Variants in CACNA1H observed in about 807,000 individuals in gnomAD.
CACNA1H encodes the protein voltage-dependent T-type calcium channel subunit alpha-1H.
In CACNA1H, 149 loss-of-function variants were observed where a neutral mutation model predicts 192.5. The observed-to-expected ratio is 0.77, with a 90% confidence interval of 0.68 to 0.89. The LOEUF is 0.89. Ranked by LOEUF, CACNA1H falls within the 40% of genes least tolerant of loss-of-function variation. CACNA1H has a pLI of 0.00. For missense variants in CACNA1H, 4,257 were observed against 3,423.5 expected (o/e 1.24, Z -6.08); for synonymous variants, 2,202 against 1,475.2 (o/e 1.49, Z -11.29).
chr16:1,166,509 G>A (rs1188358806), intron 2 of CACNA1H, among the ~76,000 whole-genome samples: 2 of 152,222 alleles, frequency 1.3e-5, no homozygotes, highest in Non-Finnish European at 2.9e-5. Flanking sequence ...CGCCAATGAA[G>A]GGTCCAATTC....
At position 1,215,318 on chromosome 16, in the gene CACNA1H, G is replaced by C; in HGVS notation, c.5116G>C (p.Ala1706Pro). Residue 1706 changes from alanine to proline, a missense_variant, in exon 29 of 35, where the codon GCG (alanine) becomes CCG (proline). By Grantham distance (27) the Ala-to-Pro change is conservative. Transcript: ENST00000348261. ...ITLEEIEMSA[A>P]LPINPTIIRI... Reference sequence around the variant, plus strand: ...GCTGGAGGAGATAGAGATGAGCGCCGCGCTGCCCATCAACCCCACCATCAT... The same window carrying C: ...GCTGGAGGAGATAGAGATGAGCGCCCCGCTGCCCATCAACCCCACCATCAT... The C allele has an allele frequency of 1.2e-6, 2 of 1,611,334 alleles. No individual in the cohort carries two copies. Among genetic ancestry groups the C allele is most frequent in the South Asian group, 2.2e-5 (2 of 90,658 alleles).
chr16:1,221,704 A>G lies in CACNA1H; in HGVS notation c.*710A>G, dbSNP rs1254864477. On this transcript the variant is annotated 3_prime_UTR_variant, in exon 35 of 35. Coordinates refer to ENST00000348261, the MANE Select transcript of CACNA1H (RefSeq NM_021098.3). ...TAAATGTTGCAATAATCTGATGCAG[A>G]AGACTCAGCTTCTCAAGGGAGAGGG... The G allele has an allele frequency of 5.3e-6, 7 of 1,310,190 alleles. No individual in the cohort carries two copies. Among genetic ancestry groups the G allele is most frequent in the African/African-American group, 2.9e-5 (2 of 67,828 alleles). 81.2% of individuals were successfully genotyped at this position (1,310,190 alleles called of 1,614,324 possible). A position where few individuals can be genotyped will look rare whatever the true frequency, so the allele number is the denominator to read the frequency against.
rs1371063701 is a variant in CACNA1H at position 1,215,585 on chromosome 16, C to G, written c.5236C>G (p.Leu1746Val). 3 of 1,611,188 alleles carry G rather than the reference C, an allele frequency of 1.9e-6. No homozygotes were observed. Among genetic ancestry groups the G allele is most frequent in the Non-Finnish European group, 2.5e-6 (3 of 1,179,366 alleles). The change falls in exon 30 of 35, where the codon CTC (leucine) becomes GTC (valine). Residue 1746 changes from leucine to valine, a missense_variant. Transcript: ENST00000348261. ...RALLDTVVQA[L>V]PQVGNLGLLF... ...CCTGCTGGACACTGTGGTGCAAGCT[C>G]TCCCCCAGGTAGGTGGAGCCCGCGC...
Position 1,218,404 on chromosome 16 carries a change from C to A in CACNA1H, c.5640C>A (p.Ile1880=). Reference sequence around the variant, plus strand: ...AGGATGCGGAGCTGGACGCCGAGATCGAGCTGGAGATGGCGCAGGGCCCCG... The same window carrying A: ...AGGATGCGGAGCTGGACGCCGAGATAGAGCTGGAGATGGCGCAGGGCCCCG... ...AREDAELDAE[I]ELEMAQGPGS... The change falls in exon 33 of 35, where the codon ATC becomes ATA. Residue 1880 remains isoleucine, a synonymous_variant. Transcript: ENST00000348261. 3.2e-6 allele frequency: 5 copies of A among 1,556,966 alleles called. No individual in the cohort carries two copies. Among genetic ancestry groups the A allele is most frequent in the Non-Finnish European group, 4.3e-6 (5 of 1,151,166 alleles).
Position 1,205,282 on chromosome 16 carries a change from TC to T in CACNA1H, c.2603+21del. 1.3e-6 allele frequency: 2 copies of T among 1,585,786 alleles called. No homozygotes were observed. The highest frequency in any genetic ancestry group is 1.7e-6 in the Non-Finnish European group (2 of 1,160,428). ...GGTCATCAGGTGGGTCCCCACCCTC[TC>T]CCCAGGAAGAGGGGCCCGGGAAGCT... is the stretch of plus-strand genomic sequence containing the variant. On this transcript the variant is annotated intron_variant, in intron 11 of 34. Transcript: ENST00000348261.
At chr16:1,157,436 T>G (rs1372229062) in intron 2 of CACNA1H, among the ~76,000 whole-genome samples, 3 of 152,166 alleles carry the variant, frequency 2.0e-5, no homozygotes, top group Non-Finnish European at 4.4e-5. Flanking sequence ...GCTGCCTGGG[T>G]GGGGACGAGC....
At chr16:1,211,073 C>T (rs1596457627) in intron 21 of CACNA1H, 95 bp from the exon 22 acceptor site, 2 of 1,557,554 alleles carry the variant, frequency 1.3e-6, no homozygotes, top group East Asian at 2.3e-5. Context: ...CGCAGGCCGC[C>T]CACTCGGCCC....
chr16:1,171,752 C>T (rs909377008), intron 2 of CACNA1H, among the ~76,000 whole-genome samples: 1 of 152,176 alleles, frequency 6.6e-6, no homozygotes, highest in Non-Finnish European at 1.5e-5. Flanking sequence ...TCTGGGCAGC[C>T]TCCCACCGTC....
chr16:1,201,460 G>A (rs754019047), intron 8 of CACNA1H, among the ~76,000 whole-genome samples: 2 of 152,168 alleles, frequency 1.3e-5, no homozygotes, highest in African/African-American at 4.8e-5. Flanking sequence ...TGTCCAGATA[G>A]GCACAAAGCA....
intron 2 of CACNA1H, among the ~76,000 whole-genome samples, chr16:1,190,995 G>T (rs866805560): frequency 1.6e-3 from 240 of 147,518 alleles, no homozygotes; most frequent in African/African-American, 5.9e-3. Flanking sequence ...TGACCCAGCA[G>T]GCTGCCCTGG....
intron 2 of CACNA1H, among the ~76,000 whole-genome samples, chr16:1,154,387 G>C (rs1294615447): frequency 6.6e-6 from 1 of 152,126 alleles, no homozygotes; most frequent in Non-Finnish European, 1.5e-5. Flanking sequence ...GCCAGGACGG[G>C]AATTTCCCCC....
intron 2 of CACNA1H, among the ~76,000 whole-genome samples, chr16:1,161,705 C>T (rs577430132): frequency 2.6e-5 from 4 of 152,302 alleles, no homozygotes; most frequent in African/African-American, 9.6e-5. Flanking sequence ...GGGCCAGATG[C>T]GGTCCCGGGA....
Position 1,166,552 on chromosome 16 carries a change from G to A in CACNA1H, c.299+12516G>A, listed in dbSNP as rs902467340. On this transcript the variant is annotated intron_variant, in intron 2 of 34. Coordinates refer to ENST00000348261, the MANE Select transcript of CACNA1H (RefSeq NM_021098.3). ...CTCCCTGTATCCTCGCGGTGGTGCAGCCCCAGCAGCGATGGGTTCCAGAAT... is the reference window on the plus strand; with the variant it reads ...CTCCCTGTATCCTCGCGGTGGTGCAACCCCAGCAGCGATGGGTTCCAGAAT... Among the ~76,000 whole-genome samples the A allele has an allele frequency of 6.6e-5, 10 of 152,262 alleles. No homozygotes were observed. In the East Asian group the frequency reaches 1.9e-3, roughly 29 times the overall value.
At chr16:1,161,373 A>T (rs1963179228) in intron 2 of CACNA1H, among the ~76,000 whole-genome samples, 1 of 152,116 alleles carries the variant, frequency 6.6e-6, no homozygotes, top group South Asian at 2.1e-4. Flanking sequence ...TCCCCTCCCC[A>T]GCTGTCTGCA....
At chr16:1,198,067 C>G (rs1375435965) in intron 5 of CACNA1H, among the ~76,000 whole-genome samples, 1 of 152,166 alleles carries the variant, frequency 6.6e-6, no homozygotes, top group Non-Finnish European at 1.5e-5. Flanking sequence ...GGGAATCAGA[C>G]AAAGTTTTCA....
At chr16:1,206,484 G>C (rs1162086189) in intron 12 of CACNA1H, 195 bp downstream of exon 12, 11 of 593,096 alleles carry the variant, frequency 1.9e-5, no homozygotes, top group Non-Finnish European at 3.2e-5. Flanking sequence ...TGTTAGACAT[G>C]CAGGGAGTCA....
intron 2 of CACNA1H, among the ~76,000 whole-genome samples, chr16:1,187,618 G>A (rs1966203432): frequency 6.6e-6 from 1 of 152,212 alleles, no homozygotes; most frequent in South Asian, 2.1e-4. Flanking sequence ...GCAGAGCTCT[G>A]CCACCCCGGC....
intron 8 of CACNA1H, among the ~76,000 whole-genome samples, chr16:1,201,307 G>A (rs1331234524): frequency 6.6e-6 from 1 of 152,152 alleles, no homozygotes; most frequent in Non-Finnish European, 1.5e-5. Flanking sequence ...GCTGCACGCT[G>A]GTCCATGCTA....
chr16:1,202,060 G>T lies in CACNA1H; in HGVS notation c.1610G>T (p.Arg537Leu), dbSNP rs548407874. ...TACCATTTCAGCCATGGCAGCCCCCGCAGGCCCGGCCCCGAGCCAGGCGCC... is the reference window on the plus strand; with the variant it reads ...TACCATTTCAGCCATGGCAGCCCCCTCAGGCCCGGCCCCGAGCCAGGCGCC... ...HHYHFSHGSP[R>L]RPGPEPGACD... The change falls in exon 9 of 35, where the codon CGC becomes CTC. Residue 537 changes from arginine to leucine, a missense_variant. Coordinates refer to ENST00000348261, the MANE Select transcript of CACNA1H (RefSeq NM_021098.3). The T allele has an allele frequency of 6.5e-7, 1 of 1,538,834 alleles. No homozygotes were observed.
Sources: gnomAD v4.1 joint callset for allele counts (sites outside exome capture counted in the v4.1 genomes callset) on GRCh38, gnomAD v4.1.1 for gene constraint, MANE v1.5 for transcripts, NCBI Gene and HGNC (gene_info 2026-07-23, HGNC 2026-07-21) for gene names.